SH3PXD2A: variants seen among roughly 807,000 people sequenced by gnomAD.
SH3PXD2A encodes the protein SH3 and PX domains 2A, also known as SH3 and PX domain-containing protein 2A.
In SH3PXD2A, 32 loss-of-function variants were observed where a neutral mutation model predicts 115.2. That is an observed-to-expected ratio of 0.28 (90% CI 0.21 to 0.37). The LOEUF (loss-of-function observed/expected upper bound fraction) is 0.37. Ranked by LOEUF, SH3PXD2A falls within the 10% of genes least tolerant of loss-of-function variation. The pLI, the probability that SH3PXD2A is intolerant of heterozygous loss-of-function variation, is 1.00. For missense variants in SH3PXD2A, 1,328 were observed against 1,498.7 expected (o/e 0.89, Z 1.88); for synonymous variants, 610 against 629.1 (o/e 0.97, Z 0.45).
rs116047146 is a variant in SH3PXD2A at position 103,696,888 on chromosome 10, A to G, written c.399-3832T>C. 3.1e-3 allele frequency among the ~76,000 whole-genome samples: 470 copies of G among 152,306 alleles called. 3 individuals carry two copies. Among genetic ancestry groups the G allele is most frequent in the African/African-American group, 0.011 (447 of 41,560 alleles). ...GGACTTTCAGGGCTCAAACTGGACA[A>G]ACTGGGATGGGTGATCTCCTGTGGT... On this transcript the variant is annotated intron_variant, in intron 5 of 14. Coordinates refer to ENST00000369774, the MANE Select transcript of SH3PXD2A (RefSeq NM_001394015.1).
chr10:103,839,574 GCCACACAGCCCCTCCCCCAAGC>G (rs1451465052), intron 1 of SH3PXD2A, among the ~76,000 whole-genome samples: 1 of 151,368 alleles, frequency 6.6e-6, no homozygotes, highest in Admixed American at 6.6e-5. Context: ...CTCCCCCAAG[GCCACACAGCCCCTCCCCCAAGC>G]CCACACAGCC....
intron 4 of SH3PXD2A, among the ~76,000 whole-genome samples, chr10:103,733,780 T>C (rs974363233): frequency 1.3e-5 from 2 of 152,198 alleles, no homozygotes; most frequent in Admixed American, 1.3e-4. Flanking sequence ...TATTTTATTT[T>C]ATTTTTTTAG....
intron 6 of SH3PXD2A, chr10:103,677,991 G>T: frequency 3.3e-6 from 2 of 600,186 alleles, no homozygotes; most frequent in Non-Finnish European, 5.6e-6. Flanking sequence ...TGGCTCCCGT[G>T]CAGGCCTCCG....
At chr10:103,663,517 T>C (rs2037341588) in intron 7 of SH3PXD2A, among the ~76,000 whole-genome samples, 1 of 152,218 alleles carries the variant, frequency 6.6e-6, no homozygotes, top group Admixed American at 6.5e-5. Context: ...AATCCTCAAC[T>C]TGGAAGCACA....
At chr10:103,747,350 G>A (rs531083337) in intron 3 of SH3PXD2A, among the ~76,000 whole-genome samples, 15 of 152,178 alleles carry the variant, frequency 9.9e-5, no homozygotes, top group Non-Finnish European at 2.2e-4. Context: ...TGTGGTGGGC[G>A]TGGTGGGCAG....
chr10:103,822,724 C>T (rs1363592582), intron 1 of SH3PXD2A, among the ~76,000 whole-genome samples: 1 of 152,158 alleles, frequency 6.6e-6, no homozygotes, highest in Non-Finnish European at 1.5e-5. Flanking sequence ...CCCCTCTCTC[C>T]AAGGAACAAT....
At chr10:103,613,254 C>A (rs1234432739) in intron 11 of SH3PXD2A, 64 bp from the exon 12 acceptor site, 2 of 1,315,036 alleles carry the variant, frequency 1.5e-6, no homozygotes, top group East Asian at 4.7e-5. Flanking sequence ...ACTCCCAGGC[C>A]CTAGGATCCA....
chr10:103,792,690 C>T (rs866353759), intron 2 of SH3PXD2A, among the ~76,000 whole-genome samples: 3 of 152,194 alleles, frequency 2.0e-5, no homozygotes, highest in African/African-American at 7.2e-5. Flanking sequence ...GGCCCTGGAG[C>T]ACATGCCCTT....
At chr10:103,782,325 T>G (rs1589452466) in intron 2 of SH3PXD2A, among the ~76,000 whole-genome samples, 2 of 152,190 alleles carry the variant, frequency 1.3e-5, no homozygotes, top group Admixed American at 6.5e-5. Context: ...CATGTGCACA[T>G]GAAAATTTGA....
chr10:103,751,044 A>G (rs181528475), intron 3 of SH3PXD2A, among the ~76,000 whole-genome samples: 3 of 152,340 alleles, frequency 2.0e-5, no homozygotes, highest in Admixed American at 1.3e-4. Flanking sequence ...CATTTCCCCC[A>G]GACCAATAGA....
Position 103,599,333 on chromosome 10 carries a change from C to T in SH3PXD2A, c.*2483G>A, listed in dbSNP as rs1182703505. The T allele has an allele frequency of 2.0e-5, 3 of 152,626 alleles. No homozygotes were observed. The highest frequency in any genetic ancestry group is 7.2e-5 in the African/African-American group (3 of 41,382). 9.5% of individuals were successfully genotyped at this position (152,626 alleles called of 1,614,324 possible). A position where few individuals can be genotyped will look rare whatever the true frequency, so the allele number is the denominator to read the frequency against. Reference sequence around the variant, plus strand: ...TGGGGAAGGGCAGGAAAGGCAGGCTCTCGGGAGCACTGTGGTCCAGTCCAA... The same window carrying T: ...TGGGGAAGGGCAGGAAAGGCAGGCTTTCGGGAGCACTGTGGTCCAGTCCAA... On this transcript the variant is annotated 3_prime_UTR_variant, in exon 15 of 15. Coordinates refer to ENST00000369774, the MANE Select transcript of SH3PXD2A (RefSeq NM_001394015.1).
intron 1 of SH3PXD2A, 97 bp downstream of exon 1, chr10:103,855,098 G>A: frequency 1.3e-6 from 1 of 780,184 alleles, no homozygotes. Flanking sequence ...TGGGCGCTTA[G>A]CTTCGCGACC....
chr10:103,668,754 G>C (rs562836853), intron 6 of SH3PXD2A, 102 bp from the exon 7 acceptor site: 1 of 1,053,338 alleles, frequency 9.5e-7, no homozygotes, highest in Non-Finnish European at 1.4e-6. Flanking sequence ...CAGGCGCCGC[G>C]CTCGGCCAGC....
chr10:103,676,238 A>G (rs538325375), intron 6 of SH3PXD2A, among the ~76,000 whole-genome samples: 1 of 152,342 alleles, frequency 6.6e-6, no homozygotes, highest in South Asian at 2.1e-4. Context: ...GCAGCAAGAA[A>G]GGACTTGCCT....
intron 1 of SH3PXD2A, among the ~76,000 whole-genome samples, chr10:103,811,290 G>C (rs1483167364): frequency 6.6e-6 from 1 of 152,186 alleles, no homozygotes; most frequent in Admixed American, 6.5e-5. Context: ...ACAGTCCAAA[G>C]AGTCAGCTCC....
In SH3PXD2A at chr10:103,602,004, T is replaced by G; in HGVS notation, c.3214A>C (p.Asn1072His). The change falls in exon 15 of 15, where the codon AAC becomes CAC. Residue 1072 changes from asparagine (N) to histidine (H), a missense_variant. Asn to His is a moderately conservative substitution (Grantham distance 68, BLOSUM62 1). Transcript: ENST00000369774. ...PIEKSQFIHN[N>H]LKDVYVSIAD... ...ATAGAGACGTACACATCTTTGAGGT[T>G]ATTGTGGATGAACTGAGACTTCTCG... 6.2e-7 allele frequency: 1 copy of G among 1,613,762 alleles called. No homozygotes were observed. The highest frequency in any genetic ancestry group is 8.5e-7 in the Non-Finnish European group (1 of 1,179,882).
intron 5 of SH3PXD2A, among the ~76,000 whole-genome samples, chr10:103,723,398 A>G (rs1041771304): frequency 3.3e-5 from 5 of 152,084 alleles, no homozygotes; most frequent in South Asian, 2.1e-4. Context: ...TTTCTCTCCA[A>G]TGAGAACCTA....
chr10:103,710,019 C>T (rs1448046561), intron 5 of SH3PXD2A, among the ~76,000 whole-genome samples: 2 of 150,980 alleles, frequency 1.3e-5, no homozygotes, highest in African/African-American at 2.4e-5. Flanking sequence ...CACTTGGACC[C>T]GGGAGGCGGA....
intron 2 of SH3PXD2A, among the ~76,000 whole-genome samples, chr10:103,771,737 CAACA>C (rs1223666083): frequency 1.5e-4 from 17 of 110,988 alleles, no homozygotes; most frequent in African/African-American, 6.0e-4. Flanking sequence ...TCCGTCAAAA[CAACA>C]CACACACACA....
Sources: allele counts gnomAD v4.1 joint callset (sites outside exome capture counted in the v4.1 genomes callset), GRCh38; gene constraint gnomAD v4.1.1; transcripts MANE v1.5; gene names NCBI Gene and HGNC (gene_info 2026-07-23, HGNC 2026-07-21).